The following MITD1 variants were observed in gnomAD, a reference collection of about 807,000 sequenced individuals.
MITD1 encodes MIT domain-containing protein 1.
In MITD1, 24 loss-of-function variants were observed where a neutral mutation model predicts 34.9. The ratio of observed to expected loss-of-function variants is 0.69; its 90% CI spans 0.50 to 0.97. MITD1 has a LOEUF of 0.97. MITD1 is among the 50% of genes least tolerant of loss of function. The probability of loss-of-function intolerance (pLI) is 0.00; values close to 1 mark genes in which losing one functional copy is unlikely to be tolerated. For missense variants in MITD1, 266 were observed against 294.6 expected, an observed-to-expected ratio of 0.90 and a Z score of 0.71; for synonymous variants, 102 against 101.4, an observed-to-expected ratio of 1.01 and a Z score of -0.04.
In MITD1 at chr2:99,181,036, G is replaced by T; in HGVS notation, c.-55C>A. ...CAGGATGAAGTTGAGCGGGTCTGCT[G>T]CGCTTCCGGGAAGTGGTCATGTGAT... On this transcript the variant is annotated 5_prime_UTR_variant, in exon 1 of 7. Transcript: ENST00000289359. 5.1e-6 allele frequency: 8 copies of T among 1,568,748 alleles called. 1 individual carries two copies. The South Asian group carries it at 8.3e-5, about 16-fold the overall frequency.
At position 99,181,032 on chromosome 2, in the gene MITD1, T is replaced by G; in HGVS notation, c.-51A>C. 1 of 1,576,840 alleles carries G rather than the reference T, an allele frequency of 6.3e-7. No individual in the cohort carries two copies. The highest frequency in any genetic ancestry group is 8.6e-7 in the Non-Finnish European group (1 of 1,159,722). ...AACCCAGGATGAAGTTGAGCGGGTC[T>G]GCTGCGCTTCCGGGAAGTGGTCATG... On this transcript the variant is annotated 5_prime_UTR_variant, in exon 1 of 7. Coordinates refer to ENST00000289359, the MANE Select transcript of MITD1 (RefSeq NM_138798.3).
downstream of MITD1, among the ~76,000 whole-genome samples, chr2:99,166,319 T>G (rs544649025): frequency 1.3e-5 from 2 of 152,136 alleles, no homozygotes; most frequent in African/African-American, 4.8e-5. Flanking sequence ...AGTAGCCAAC[T>G]GGGTCAAATG....
intron 2 of MITD1, chr2:99,172,688 G>T (rs539128906): frequency 3.3e-5 from 5 of 152,190 alleles, no homozygotes; most frequent in African/African-American, 9.6e-5. Context: ...TTAGAGACCA[G>T]CCTGACCAAT....
At chr2:99,168,963 T>TC (rs1350973594), downstream of MITD1, among the ~76,000 whole-genome samples, 3 of 98,648 alleles carry the variant, frequency 3.0e-5, no homozygotes, top group Non-Finnish European at 7.1e-5. Context: ...TTTTTTTTTT[T>TC]TTTTTTTTTT....
At chr2:99,162,161 T>G (rs1226285340) in exon 8 of MITD1, 5 of 1,613,912 alleles carry the variant, frequency 3.1e-6, no homozygotes, top group Non-Finnish European at 3.4e-6. Flanking sequence ...TTTGGCAGAA[T>G]TCTCCCTCTG....
Position 99,170,713 on chromosome 2 carries a change from T to C in MITD1, c.478-61A>G, listed in dbSNP as rs1025782471. Reference sequence around the variant, plus strand: ...TATTATTACTATCTTAAATTATCCCTAAGCTATACAATCTATATCACAGGT... The same window carrying C: ...TATTATTACTATCTTAAATTATCCCCAAGCTATACAATCTATATCACAGGT... On this transcript the variant is annotated intron_variant, in intron 4 of 6. Transcript: ENST00000289359. 3 of 786,314 alleles carry C rather than the reference T, an allele frequency of 3.8e-6. No individual in the cohort carries two copies. The East Asian group carries it at 7.6e-5, about 20-fold the overall frequency. The allele number at this position is 786,314 out of a possible 1,614,324, so 48.7% of individuals were successfully genotyped here. A position where few individuals can be genotyped will look rare whatever the true frequency, so the allele number is the denominator to read the frequency against.
rs895432637 is a variant in MITD1 at position 99,169,318 on chromosome 2, T to TA, written c.*56dup. On this transcript the variant is annotated 3_prime_UTR_variant, in exon 7 of 7. Transcript: ENST00000289359. ...TTCATACATTATAAAAGTGATCTTTTAAAAAAAATCCAATATTCACTTAAA... is the reference window on the plus strand; with the variant it reads ...TTCATACATTATAAAAGTGATCTTTTAAAAAAAAATCCAATATTCACTTAAA... The TA allele has an allele frequency of 3.7e-5, 32 of 855,626 alleles. No individual in the cohort carries two copies. Among genetic ancestry groups the TA allele is most frequent in the South Asian group, 1.1e-4 (7 of 61,194 alleles). 53.0% of individuals were successfully genotyped at this position (855,626 alleles called of 1,614,324 possible).
chr2:99,169,371 C>T lies in MITD1; in HGVS notation c.*4G>A. 1.4e-6 allele frequency: 2 copies of T among 1,409,716 alleles called. No homozygotes were observed. Among genetic ancestry groups the T allele is most frequent in the South Asian group, 1.2e-5 (1 of 83,348 alleles). 87.3% of individuals were successfully genotyped at this position (1,409,716 alleles called of 1,614,324 possible). A position where few individuals can be genotyped will look rare whatever the true frequency, so the allele number is the denominator to read the frequency against. ...AGACATAATACAAATTAGGCTACCA[C>T]CCATCATATATTTTTTGTATGCTTC... On this transcript the variant is annotated 3_prime_UTR_variant, in exon 7 of 7. Transcript: ENST00000289359.
intron 2 of MITD1, 126 bp from the exon 3 acceptor site, chr2:99,171,772 T>G: frequency 2.4e-6 from 2 of 850,238 alleles, no homozygotes; most frequent in Non-Finnish European, 3.6e-6. Flanking sequence ...CAGCAAATAC[T>G]TATTGAATGC....
At chr2:99,162,138 C>A in exon 8 of MITD1, 1 of 1,613,972 alleles carries the variant, frequency 6.2e-7, no homozygotes, top group Non-Finnish European at 8.5e-7. Flanking sequence ...AGAAGGCAAA[C>A]CAATTCTATT....
chr2:99,175,039 T>C (rs2093879742), intron 1 of MITD1, among the ~76,000 whole-genome samples: 1 of 152,262 alleles, frequency 6.6e-6, no homozygotes, highest in African/African-American at 2.4e-5. Context: ...AATTTCATTT[T>C]AATCTCTCAT....
At chr2:99,166,858 A>AATATATATATATATAT (rs10584187), downstream of MITD1, among the ~76,000 whole-genome samples, 474 of 115,250 alleles carry the variant, frequency 4.1e-3, 7 homozygotes, top group Non-Finnish European at 6.1e-3. Flanking sequence ...TGGGGTTTTA[A>AATATATATATATATAT]ATATATATAT....
chr2:99,175,646 T>C (rs1352923724), intron 1 of MITD1, among the ~76,000 whole-genome samples: 1 of 152,246 alleles, frequency 6.6e-6, no homozygotes, highest in Non-Finnish European at 1.5e-5. Context: ...CCATCACTCT[T>C]TCTCCCACTA....
intron 1 of MITD1, among the ~76,000 whole-genome samples, chr2:99,178,884 C>A (rs983018690): frequency 1.3e-5 from 2 of 152,188 alleles, no homozygotes; most frequent in Non-Finnish European, 2.9e-5. Context: ...ACTTCTCACT[C>A]TTCCTCTTCA....
chr2:99,166,324 C>CTTG (rs2093826530), downstream of MITD1, among the ~76,000 whole-genome samples: 2 of 151,874 alleles, frequency 1.3e-5, no homozygotes, highest in Non-Finnish European at 2.9e-5. Flanking sequence ...CCAACTGGGT[C>CTTG]AAATGCTTCT....
chr2:99,170,144 A>C (rs544275249), intron 5 of MITD1, among the ~76,000 whole-genome samples: 13 of 152,374 alleles, frequency 8.5e-5, no homozygotes, highest in Admixed American at 3.3e-4. Flanking sequence ...GCAAATTGTC[A>C]TGCCTACTAG....
At chr2:99,170,999 G>C (rs147973726) in intron 4 of MITD1, 2 of 274,188 alleles carry the variant, frequency 7.3e-6, no homozygotes, top group African/African-American at 4.3e-5. Context: ...AGATAGAGAT[G>C]CCCACTACCA....
At chr2:99,162,224 G>A in intron 7 of MITD1, 2 of 1,613,960 alleles carry the variant, frequency 1.2e-6, no homozygotes, top group Admixed American at 3.3e-5. Context: ...TGAATCTAAT[G>A]AGAGAAGAAG....
chr2:99,175,958 T>G (rs1294676472), intron 1 of MITD1, among the ~76,000 whole-genome samples: 1 of 152,200 alleles, frequency 6.6e-6, no homozygotes, highest in Admixed American at 6.5e-5. Context: ...TTTGTTTCGC[T>G]GAGACACAGT....
Sources: allele counts gnomAD v4.1 joint callset (sites outside exome capture counted in the v4.1 genomes callset), GRCh38; gene constraint gnomAD v4.1.1; transcripts MANE v1.5; gene names NCBI Gene and HGNC (gene_info 2026-07-23, HGNC 2026-07-21).